Variants in KRABD3 observed in about 807,000 individuals in gnomAD.
KRABD3 encodes KRAB domain containing 3, also known as KRAB domain-containing protein 3.
the KRABD3 span, chr7:149,731,748 G>A: frequency 3.1e-6 from 5 of 1,611,818 alleles, no homozygotes; most frequent in Non-Finnish European, 8.5e-7. Flanking sequence ...GAGGCCTGGA[G>A]CTTGGACATG....
At chr7:149,720,969 GGA>G in the KRABD3 span, 2 of 1,613,696 alleles carry the variant, frequency 1.2e-6, no homozygotes, top group Non-Finnish European at 1.7e-6. Flanking sequence ...CAGCCTGGAT[GGA>G]GAGAGAGCGA....
the KRABD3 span, among the ~76,000 whole-genome samples, chr7:149,719,138 G>T: frequency 6.6e-6 from 1 of 152,178 alleles, no homozygotes; most frequent in Non-Finnish European, 1.5e-5. This position sits in a 1 kb window ranked among gnomAD's most constrained non-coding sequence, Gnocchi z 5.6. Context: ...TGGTGGCCCT[G>T]GGCATTCCTT....
At chr7:149,721,606 G>C in the KRABD3 span, 1 of 1,511,872 alleles carries the variant, frequency 6.6e-7, no homozygotes, top group South Asian at 1.2e-5. Flanking sequence ...CAGAGGACCT[G>C]GACCCTGTGC....
the KRABD3 span, chr7:149,720,803 G>T: frequency 6.4e-7 from 1 of 1,554,990 alleles, no homozygotes; most frequent in Middle Eastern, 1.7e-4. Flanking sequence ...CAGCCGCAGG[G>T]GTGCGGGGGG....
the KRABD3 span, chr7:149,715,247 C>T: frequency 4.1e-6 from 5 of 1,218,060 alleles, no homozygotes; most frequent in Non-Finnish European, 5.1e-6. Flanking sequence ...AGCTCTCCGC[C>T]GCCGGTACCC....
chr7:149,733,665 C>A, the KRABD3 span: 3 of 1,587,468 alleles, frequency 1.9e-6, no homozygotes, highest in South Asian at 1.1e-5. Context: ...CAAGGACTCT[C>A]CAGAGGGACC....
the KRABD3 span, chr7:149,721,839 A>G: frequency 3.5e-6 from 2 of 564,364 alleles, no homozygotes; most frequent in East Asian, 7.9e-5. Flanking sequence ...GGCCAGCAGC[A>G]TTGACCTACC....
At chr7:149,720,136 T>C in the KRABD3 span, 32 of 1,551,220 alleles carry the variant, frequency 2.1e-5, no homozygotes, top group Non-Finnish European at 2.0e-5. Flanking sequence ...GGGTAAGTTA[T>C]CTGTCAGACT....
the KRABD3 span, chr7:149,730,168 C>T: frequency 7.1e-5 from 110 of 1,555,438 alleles, no homozygotes; most frequent in Non-Finnish European, 9.0e-5. Flanking sequence ...AAGCCCTCCC[C>T]GCTGCACTGC....
the KRABD3 span, chr7:149,730,615 AC>A: frequency 6.3e-7 from 1 of 1,593,278 alleles, no homozygotes; most frequent in Non-Finnish European, 8.5e-7. Flanking sequence ...TCCCCAGAGG[AC>A]CAGGAGTCCA....
At chr7:149,715,721 G>T in the KRABD3 span, among the ~76,000 whole-genome samples, 20 of 152,222 alleles carry the variant, frequency 1.3e-4, no homozygotes, top group African/African-American at 4.6e-4. Flanking sequence ...ATGGGGGGCA[G>T]CGTGTGACTA....
chr7:149,729,883 C>T, the KRABD3 span: 1 of 985,330 alleles, frequency 1.0e-6, no homozygotes, highest in African/African-American at 1.7e-5. Flanking sequence ...TGGCTAGAAC[C>T]TGACTGCTAA....
the KRABD3 span, chr7:149,720,865 C>T: frequency 6.2e-7 from 1 of 1,602,764 alleles, no homozygotes; most frequent in African/African-American, 1.3e-5. Flanking sequence ...CTGCACCTCA[C>T]AGCCCTGGTG....
chr7:149,727,231 A>C, the KRABD3 span, among the ~76,000 whole-genome samples: 1 of 152,064 alleles, frequency 6.6e-6, no homozygotes, highest in Admixed American at 6.5e-5. Context: ...CTGACTGCCA[A>C]TGTATTTACT....
At chr7:149,728,635 G>T in the KRABD3 span, 1 of 1,613,486 alleles carries the variant, frequency 6.2e-7, no homozygotes, top group African/African-American at 1.3e-5. Flanking sequence ...ACAGGGGACC[G>T]AGGAGAGCAG....
the KRABD3 span, chr7:149,726,132 G>T: frequency 7.2e-7 from 1 of 1,393,056 alleles, no homozygotes; most frequent in South Asian, 1.3e-5. Context: ...AGTCCCTCTG[G>T]CTTGACTGGG....
chr7:149,719,585 G>T, the KRABD3 span: 2 of 1,608,216 alleles, frequency 1.2e-6, no homozygotes, highest in Non-Finnish European at 1.7e-6. The surrounding 1 kb of genome is among the most constrained non-coding windows in gnomAD (Gnocchi z 5.6). Context: ...GCGGTTCTCG[G>T]AGGAGGAGTG....
the KRABD3 span, chr7:149,730,722 T>G: frequency 2.0e-6 from 2 of 1,018,696 alleles, no homozygotes; most frequent in Non-Finnish European, 2.8e-6. Context: ...AGGTGAGCTG[T>G]GTCCGAGAAG....
At chr7:149,721,702 T>C in the KRABD3 span, 1 of 820,300 alleles carries the variant, frequency 1.2e-6, no homozygotes. Flanking sequence ...ACAACATATT[T>C]AGCCTCTGGT....
Sources: gnomAD v4.1 joint callset for allele counts (sites outside exome capture counted in the v4.1 genomes callset) on GRCh38, gnomAD v4.1.1 for gene constraint, Gnocchi (gnomAD v3.1) non-coding constraint, MANE v1.5 for transcripts, NCBI Gene and HGNC (gene_info 2026-07-23, HGNC 2026-07-21) for gene names.